The following TARM1 variants were observed in gnomAD, a reference collection of about 807,000 sequenced individuals.
TARM1 encodes T cell-interacting, activating receptor on myeloid cells 1, also known as T-cell-interacting, activating receptor on myeloid cells protein 1.
Under a neutral mutation model 30.4 loss-of-function variants are expected in TARM1, and 24 were observed. The observed-to-expected ratio is 0.79, with a 90% CI of 0.57 to 1.11. The LOEUF is 1.11. Among genes scored for constraint, TARM1 ranks in the 50% least tolerant of loss-of-function variants. The pLI is 0.00. For missense variants in TARM1, 323 were observed against 332.8 expected (o/e 0.97, Z 0.23); for synonymous variants, 129 against 138.9 (o/e 0.93, Z 0.50).
rs1294893217 is a variant in TARM1 at position 54,070,289 on chromosome 19, G to T, written c.659-129C>A. On this transcript the variant is annotated intron_variant, in intron 4 of 4. Coordinates refer to ENST00000432826, the MANE Select transcript of TARM1 (RefSeq NM_001135686.3). ...TTTTGGTTTTTTTTTTTGAGACGGA[G>T]TTTTACTCTTGTTGACCAGGCTGGA... The T allele has an allele frequency of 8.1e-6, 11 of 1,359,076 alleles. No individual in the cohort carries two copies. The Admixed American group carries it at 2.2e-4, about 27-fold the overall frequency. 84.2% of individuals were successfully genotyped at this position (1,359,076 alleles called of 1,614,324 possible). A position where few individuals can be genotyped will look rare whatever the true frequency, so the allele number is the denominator to read the frequency against.
chr19:54,076,261 TTTTC>T lies in TARM1; in HGVS notation c.35-347_35-344del, dbSNP rs587767595. Reference sequence around the variant, plus strand: ...TTTTTCTTTCCTTTCTTTCTTTCTTTTTTCTTTCTTTCATTCATTCTTTCTTTCA... The same window carrying T: ...TTTTTCTTTCCTTTCTTTCTTTCTTTTTTCTTTCATTCATTCTTTCTTTCA... On this transcript the variant is annotated intron_variant, in intron 1 of 4. Coordinates refer to ENST00000432826, the MANE Select transcript of TARM1 (RefSeq NM_001135686.3). 5.9e-4 allele frequency: 873 copies of T among 1,479,950 alleles called. 5 individuals carry two copies. In the African/African-American group the frequency reaches 9.9e-3, roughly 17 times the overall value. 91.7% of individuals were successfully genotyped at this position (1,479,950 alleles called of 1,614,324 possible).
At chr19:54,076,399 G>C (rs2071957003) in intron 1 of TARM1, 3 of 445,722 alleles carry the variant, frequency 6.7e-6, no homozygotes, top group Non-Finnish European at 1.1e-5. Context: ...GTTGCGCTCT[G>C]TCGCCCAGGC....
intron 1 of TARM1, among the ~76,000 whole-genome samples, chr19:54,080,625 G>A (rs780424237): frequency 4.6e-5 from 7 of 150,794 alleles, no homozygotes; most frequent in South Asian, 2.1e-4. Flanking sequence ...GTTACACAGC[G>A]GCCTCAATTT....
chr19:54,076,802 C>T (rs1352493550), intron 1 of TARM1, among the ~76,000 whole-genome samples: 2 of 152,054 alleles, frequency 1.3e-5, no homozygotes, highest in Admixed American at 6.6e-5. Context: ...CTCAGCCTCC[C>T]GAGTAGCTGG....
Position 54,070,090 on chromosome 19 carries a change from A to G in TARM1, c.729T>C (p.Ile243=). ...CCAGGAAAGCTCCCATGATAACCACAATTACGGCAGCCAGACCCAGTCGTA... is the reference window on the plus strand; with the variant it reads ...CCAGGAAAGCTCCCATGATAACCACGATTACGGCAGCCAGACCCAGTCGTA... ...NFVRLGLAAV[I]VVIMGAFLVE... Residue 243 remains isoleucine, a synonymous_variant, in exon 5 of 5, where the codon ATT becomes ATC. Transcript: ENST00000432826. The G allele has an allele frequency of 6.4e-7, 1 of 1,551,550 alleles. No homozygotes were observed. The highest frequency in any genetic ancestry group is 8.7e-7 in the Non-Finnish European group (1 of 1,146,972).
chr19:54,080,975 A>AAAAATAAAAT (rs587629983), intron 1 of TARM1, among the ~76,000 whole-genome samples: 12 of 152,210 alleles, frequency 7.9e-5, no homozygotes, highest in Admixed American at 3.3e-4. Context: ...CCTGTCTCAA[A>AAAAATAAAAT]AAAATAAAAT....
Position 54,074,207 on chromosome 19 carries a change from G to A in TARM1, c.371C>T (p.Ser124Phe), listed in dbSNP as rs1568503573. Residue 124 changes from serine (S) to phenylalanine (F), a missense_variant, in exon 4 of 5, where the codon TCT (serine) becomes TTT (phenylalanine). Coordinates refer to ENST00000432826, the MANE Select transcript of TARM1 (RefSeq NM_001135686.3). ...VLLLLVTGHL[S>F]KPFLRTYQRG... ...TTGGTAGGTTCGGAGGAAAGGTTTA[G>A]ATAAATGTCCTGTAAGAGAAGTCAG... 1 of 1,550,748 alleles carries A rather than the reference G, an allele frequency of 6.4e-7. No individual in the cohort carries two copies.
At chr19:54,071,570 C>A (rs1207604371) in intron 4 of TARM1, among the ~76,000 whole-genome samples, 1 of 152,206 alleles carries the variant, frequency 6.6e-6, no homozygotes, top group African/African-American at 2.4e-5. Context: ...GTAATCCCAG[C>A]ACTGTGGGAG....
chr19:54,080,143 GC>G (rs2072078001), intron 1 of TARM1, among the ~76,000 whole-genome samples: 1,277 of 84,668 alleles, frequency 0.015, 352 homozygotes, highest in African/African-American at 0.027. Flanking sequence ...AAGGAAGAAA[GC>G]AAGCAAGCAA....
At chr19:54,072,802 A>G (rs2071844532) in intron 4 of TARM1, among the ~76,000 whole-genome samples, 1 of 150,514 alleles carries the variant, frequency 6.6e-6, no homozygotes. Context: ...CATGGTCAGA[A>G]CCCCATCTCT....
chr19:54,072,740 G>T (rs1228420955), intron 4 of TARM1, among the ~76,000 whole-genome samples: 1 of 152,094 alleles, frequency 6.6e-6, no homozygotes, highest in Non-Finnish European at 1.5e-5. Flanking sequence ...CCTTTGGGAG[G>T]CCGAGGTGAG....
chr19:54,074,229 T>G lies in TARM1; in HGVS notation c.362-13A>C. The stretch of plus-strand genomic sequence containing the variant: ...TTAGATAAATGTCCTGTAAGAGAAG[T>G]CAGGTTCTGAGGTCCTGGGGAGAAG... On this transcript the variant is annotated splice_polypyrimidine_tract_variant and intron_variant, in intron 3 of 4. Coordinates refer to ENST00000432826, the MANE Select transcript of TARM1 (RefSeq NM_001135686.3). 1.3e-6 allele frequency: 2 copies of G among 1,547,114 alleles called. No homozygotes were observed. The highest frequency in any genetic ancestry group is 3.4e-4 in the Middle Eastern group (2 of 5,966).
At chr19:54,080,569 G>C (rs1486149341) in intron 1 of TARM1, among the ~76,000 whole-genome samples, 6 of 151,710 alleles carry the variant, frequency 4.0e-5, no homozygotes, top group African/African-American at 1.5e-4. Flanking sequence ...AGAAAGGAAG[G>C]AAGGAAGGAA....
intron 1 of TARM1, among the ~76,000 whole-genome samples, chr19:54,079,416 G>T (rs1411410199): frequency 6.6e-6 from 1 of 152,216 alleles, no homozygotes. Flanking sequence ...GCCACAGGAT[G>T]CTGGGATATC....
intron 1 of TARM1, among the ~76,000 whole-genome samples, chr19:54,079,297 A>T (rs1025126277): frequency 1.0e-4 from 15 of 146,174 alleles, no homozygotes; most frequent in Admixed American, 2.7e-4. Flanking sequence ...ATTAGAATGG[A>T]GGTTACCAGG....
intron 1 of TARM1, among the ~76,000 whole-genome samples, chr19:54,080,548 G>A (rs2072104858): frequency 6.9e-6 from 1 of 144,684 alleles, no homozygotes; most frequent in African/African-American, 2.5e-5. Flanking sequence ...GGAAGGGAAG[G>A]AGAAAAAGAA....
chr19:54,080,496 GAGGAAGGAAGGA>G (rs58067817), intron 1 of TARM1, among the ~76,000 whole-genome samples: 1,122 of 107,338 alleles, frequency 0.01, 41 homozygotes, highest in African/African-American at 0.035. Context: ...GGAAGGAAGG[GAGGAAGGAAGGA>G]AGGAAGGAAG....
rs763759545 is a variant in TARM1, at chr19:54,075,098, C to T, written c.87G>A (p.Pro29=). 2.1e-5 allele frequency: 33 copies of T among 1,551,150 alleles called. No individual in the cohort carries two copies. The highest frequency in any genetic ancestry group is 1.7e-4 in the Middle Eastern group (1 of 6,012). ...CCGAGCTGGGCCAGGCACTGAGGGA[C>T]GGCTTGGGCAGTGACCCTGGAAGGA... The part of the protein sequence containing the change: ...DTRGDGSLPK[P]SLSAWPSSVV... Residue 29 remains proline (P), a synonymous_variant, in exon 3 of 5, where the codon CCG becomes CCA. Coordinates refer to ENST00000432826, the MANE Select transcript of TARM1 (RefSeq NM_001135686.3).
chr19:54,076,454 C>T (rs1388162553), intron 1 of TARM1: 3 of 449,948 alleles, frequency 6.7e-6, no homozygotes, highest in Non-Finnish European at 1.2e-5. Context: ...CCTCCGCCTC[C>T]CGGGTTCAAG....
Sources: allele counts gnomAD v4.1 joint callset (sites outside exome capture counted in the v4.1 genomes callset), GRCh38; gene constraint gnomAD v4.1.1; transcripts MANE v1.5; gene names NCBI Gene and HGNC (gene_info 2026-07-23, HGNC 2026-07-21).